SORCS1: variants seen among roughly 807,000 people sequenced by gnomAD.
SORCS1 encodes the protein sortilin related VPS10 domain containing receptor 1, also known as VPS10 domain-containing receptor SorCS1.
A neutral mutation model predicts 146.1 loss-of-function variants in SORCS1; 60 were observed. The observed-to-expected ratio is 0.41, with a 90% CI of 0.33 to 0.51. The LOEUF is 0.51. SORCS1 is among the 20% of genes least tolerant of loss of function. The probability of loss-of-function intolerance (pLI) is 0.21; values close to 1 mark genes in which losing one functional copy is unlikely to be tolerated. For missense variants in SORCS1, 1,352 were observed against 1,487.6 expected, an observed-to-expected ratio of 0.91 and a Z score of 1.50; for synonymous variants, 637 against 584.0, an observed-to-expected ratio of 1.09 and a Z score of -1.31.
At chr10:106,740,948 TAA>T (rs898665019) in intron 5 of SORCS1, among the ~76,000 whole-genome samples, 2 of 152,150 alleles carry the variant, frequency 1.3e-5, no homozygotes, top group African/African-American at 4.8e-5. Flanking sequence ...ACACCACCTG[TAA>T]AAAAGAGTAG....
intron 2 of SORCS1, among the ~76,000 whole-genome samples, chr10:106,945,929 G>A (rs1195581558): frequency 6.6e-6 from 1 of 152,180 alleles, no homozygotes; most frequent in East Asian, 1.9e-4. Context: ...TTCACATGGT[G>A]AGTTCTAAGA....
At chr10:106,781,861 G>C (rs897960340) in intron 3 of SORCS1, among the ~76,000 whole-genome samples, 2 of 151,998 alleles carry the variant, frequency 1.3e-5, no homozygotes, top group Non-Finnish European at 2.9e-5. Flanking sequence ...GAAAATCACA[G>C]AAATACAAAC....
chr10:106,682,656 C>G (rs1024520759), intron 10 of SORCS1, among the ~76,000 whole-genome samples: 21 of 152,210 alleles, frequency 1.4e-4, no homozygotes, highest in Non-Finnish European at 4.4e-5. Context: ...GCACATTTTG[C>G]CCAGGCTGGG....
intron 5 of SORCS1, among the ~76,000 whole-genome samples, chr10:106,744,722 G>A (rs1364357334): frequency 1.3e-5 from 2 of 152,096 alleles, no homozygotes; most frequent in African/African-American, 4.8e-5. Context: ...TTGTTTTTGG[G>A]AGCAGCCAGG....
intron 1 of SORCS1, among the ~76,000 whole-genome samples, chr10:107,109,201 G>A (rs1275089759): frequency 2.6e-5 from 4 of 152,218 alleles, no homozygotes; most frequent in African/African-American, 9.6e-5. Context: ...CCACTAGGCA[G>A]TGCCACAGTG....
At chr10:106,856,614 T>C (rs940924272) in intron 2 of SORCS1, among the ~76,000 whole-genome samples, 11 of 152,322 alleles carry the variant, frequency 7.2e-5, no homozygotes, top group South Asian at 4.1e-4. Flanking sequence ...CTCTCCCTGC[T>C]GGAAGTACGA....
At chr10:106,806,940 A>G (rs17121635) in intron 3 of SORCS1, among the ~76,000 whole-genome samples, 15,892 of 152,216 alleles carry the variant, frequency 0.1, 895 homozygotes, top group East Asian at 0.2. Context: ...TGGAGCTAAG[A>G]TTGTGTATTT....
intron 1 of SORCS1, among the ~76,000 whole-genome samples, chr10:107,055,430 G>A (rs183458283): frequency 2.6e-4 from 39 of 152,306 alleles, no homozygotes; most frequent in African/African-American, 7.5e-4. Flanking sequence ...TTGCAATGAC[G>A]ATGACTTTGG....
intron 1 of SORCS1, among the ~76,000 whole-genome samples, chr10:107,154,838 T>C (rs1480030518): frequency 6.6e-6 from 1 of 152,248 alleles, no homozygotes; most frequent in Non-Finnish European, 1.5e-5. Context: ...AGTTATATTA[T>C]CTCTGTTAAT....
chr10:106,589,825 T>C (rs2133261975), intron 24 of SORCS1, among the ~76,000 whole-genome samples: 1 of 152,042 alleles, frequency 6.6e-6, no homozygotes, highest in African/African-American at 2.4e-5. Context: ...AAAATAGAAA[T>C]GATAATGGAG....
chr10:106,581,736 A>T (rs928167191), intron 24 of SORCS1, among the ~76,000 whole-genome samples: 1 of 152,178 alleles, frequency 6.6e-6, no homozygotes, highest in Non-Finnish European at 1.5e-5. Context: ...AAATCTTGGA[A>T]AACTTATAAT....
intron 1 of SORCS1, among the ~76,000 whole-genome samples, chr10:107,066,955 T>C (rs1961929952): frequency 6.6e-6 from 1 of 152,206 alleles, no homozygotes; most frequent in Non-Finnish European, 1.5e-5. Flanking sequence ...TCTAGCCCTA[T>C]TGTGTCAATC....
At chr10:106,866,197 C>A (rs1189653662) in intron 2 of SORCS1, among the ~76,000 whole-genome samples, 1 of 152,120 alleles carries the variant, frequency 6.6e-6, no homozygotes, top group African/African-American at 2.4e-5. Flanking sequence ...TGCAGTGGAA[C>A]TGCCCTTGCT....
chr10:106,911,562 C>A (rs982889106), intron 2 of SORCS1, among the ~76,000 whole-genome samples: 2 of 152,108 alleles, frequency 1.3e-5, no homozygotes, highest in Admixed American at 6.6e-5. Flanking sequence ...GCAGCGTAGT[C>A]CCCACAGGCG....
upstream of SORCS1, among the ~76,000 whole-genome samples, chr10:107,167,076 G>A (rs1271937203): frequency 6.6e-6 from 1 of 152,340 alleles, no homozygotes; most frequent in East Asian, 1.9e-4. Flanking sequence ...GAGCAGGCAA[G>A]TTTTTAATGC....
In SORCS1 at chr10:107,095,068, T is replaced by C. The variant is rs545629503; in HGVS notation, c.558+68901A>G. On this transcript the variant is annotated intron_variant, in intron 1 of 25. Transcript: ENST00000263054. ...CTGGCCTAGTGTAGGACACAGATGT[T>C]ACCTAAGAGCACTGGCTGGTCATTA... Among the ~76,000 whole-genome samples the C allele has an allele frequency of 3.3e-5, 5 of 152,268 alleles. No individual in the cohort carries two copies. In the South Asian group the frequency reaches 1.0e-3, roughly 32 times the overall value.
intron 5 of SORCS1, among the ~76,000 whole-genome samples, chr10:106,737,690 A>T (rs2136077541): frequency 6.6e-6 from 1 of 151,914 alleles, no homozygotes; most frequent in African/African-American, 2.4e-5. Flanking sequence ...ATGCCACTGC[A>T]CTCCCCTACC....
chr10:106,693,183 T>C (rs1485396948), intron 9 of SORCS1, among the ~76,000 whole-genome samples: 1 of 152,214 alleles, frequency 6.6e-6, no homozygotes, highest in African/African-American at 2.4e-5. Context: ...GTCCCAAGCA[T>C]TTCAGATAAG....
rs545871646 is a variant in SORCS1 at position 106,661,302 on chromosome 10, C to T, written c.2303+6387G>A. 4.6e-5 allele frequency among the ~76,000 whole-genome samples: 7 copies of T among 152,322 alleles called. No individual in the cohort carries two copies. The South Asian group carries it at 6.2e-4, about 14-fold the overall frequency. On this transcript the variant is annotated intron_variant, in intron 17 of 25. Transcript: ENST00000263054. ...AACTCGTTCAGTAATCAGCTAAACA[C>T]ATTATCTGGCCTGAGTGGCATAAAG...
Sources: gnomAD v4.1 joint callset for allele counts (sites outside exome capture counted in the v4.1 genomes callset) on GRCh38, gnomAD v4.1.1 for gene constraint, MANE v1.5 for transcripts, NCBI Gene and HGNC (gene_info 2026-07-23, HGNC 2026-07-21) for gene names.